The following RNF4 variants were observed in gnomAD, a reference collection of about 807,000 sequenced individuals.
RNF4 encodes the protein E3 ubiquitin-protein ligase RNF4.
Under a neutral mutation model 24.3 loss-of-function variants are expected in RNF4, and 7 were observed. That is an observed-to-expected ratio of 0.29 (90% confidence interval 0.16 to 0.54). The LOEUF (loss-of-function observed/expected upper bound fraction) is 0.54. Among genes scored for constraint, RNF4 ranks in the 20% least tolerant of loss-of-function variants. The pLI, the probability that RNF4 is intolerant of heterozygous loss-of-function variation, is 0.95. For synonymous variants in RNF4, 83 were observed against 84.3 expected, an observed-to-expected ratio of 0.98 and a Z score of 0.09; for missense variants, 209 against 248.5, an observed-to-expected ratio of 0.84 and a Z score of 1.07.
intron 2 of RNF4, among the ~76,000 whole-genome samples, chr4:2,496,187 A>C (rs1321916923): frequency 6.6e-6 from 1 of 152,172 alleles, no homozygotes; most frequent in African/African-American, 2.4e-5. Context: ...TCTGGTGTGA[A>C]TCACAGTTGA....
chr4:2,493,743 T>TAAAA (rs34740719), intron 2 of RNF4, among the ~76,000 whole-genome samples: 7 of 88,140 alleles, frequency 7.9e-5, no homozygotes, highest in Admixed American at 1.5e-4. Context: ...GACTCCGTCT[T>TAAAA]AAAAAAAAAA....
At chr4:2,474,880 A>C (rs1222905658) in intron 1 of RNF4, among the ~76,000 whole-genome samples, 4 of 152,150 alleles carry the variant, frequency 2.6e-5, no homozygotes, top group Non-Finnish European at 5.9e-5. Flanking sequence ...CAAAAAAATT[A>C]GCTGGGCGTG....
intron 1 of RNF4, among the ~76,000 whole-genome samples, chr4:2,475,425 G>A (rs1197758084): frequency 1.3e-5 from 2 of 151,962 alleles, no homozygotes; most frequent in Admixed American, 1.3e-4. Flanking sequence ...TGCAAGCTCC[G>A]CCTCCCAGGT....
At chr4:2,493,918 C>T (rs1735654856) in intron 2 of RNF4, among the ~76,000 whole-genome samples, 1 of 151,602 alleles carries the variant, frequency 6.6e-6, no homozygotes, top group African/African-American at 2.4e-5. Context: ...TATTGGCTCA[C>T]TGCAACCTCT....
At chr4:2,498,111 C>T (rs368538178) in intron 3 of RNF4, among the ~76,000 whole-genome samples, 83 of 152,290 alleles carry the variant, frequency 5.5e-4, no homozygotes, top group African/African-American at 1.7e-3. Flanking sequence ...AACTGCTTTC[C>T]GTCATGGCAC....
chr4:2,472,454 A>G (rs949748344), intron 1 of RNF4, among the ~76,000 whole-genome samples: 10 of 152,192 alleles, frequency 6.6e-5, no homozygotes, highest in African/African-American at 1.9e-4. Context: ...AATCTTACTT[A>G]AGAAATGCAT....
intron 1 of RNF4, among the ~76,000 whole-genome samples, chr4:2,487,021 G>A (rs1307857633): frequency 6.6e-6 from 1 of 152,182 alleles, no homozygotes; most frequent in Non-Finnish European, 1.5e-5. Context: ...AGGTGATGTC[G>A]AGGCACCTCC....
chr4:2,497,410 C>T (rs912453361), intron 3 of RNF4: 17 of 221,014 alleles, frequency 7.7e-5, no homozygotes, highest in Admixed American at 5.3e-4. Flanking sequence ...ATTGCTGGAC[C>T]TTGTAAAGTA....
intron 4 of RNF4, among the ~76,000 whole-genome samples, chr4:2,504,724 G>GTTTT (rs1433568747): frequency 1.7e-5 from 1 of 57,412 alleles, no homozygotes; most frequent in African/African-American, 9.0e-5. Flanking sequence ...CTCATTTTTT[G>GTTTT]TATTTTTTTT....
At chr4:2,495,882 C>T (rs1184441618) in intron 2 of RNF4, among the ~76,000 whole-genome samples, 1 of 152,232 alleles carries the variant, frequency 6.6e-6, no homozygotes, top group Non-Finnish European at 1.5e-5. Flanking sequence ...CCGCCTGCCT[C>T]TGCCTCCCAA....
chr4:2,500,898 C>A, intron 4 of RNF4, 160 bp downstream of exon 4: 1 of 641,544 alleles, frequency 1.6e-6, no homozygotes. Flanking sequence ...AGAAAATAAA[C>A]AGTAACAATA....
intron 7 of RNF4, among the ~76,000 whole-genome samples, chr4:2,513,341 C>A (rs181106905): frequency 6.6e-6 from 1 of 152,186 alleles, no homozygotes; most frequent in Non-Finnish European, 1.5e-5. Context: ...CCCTATACTC[C>A]TGTATGCCCT....
intron 4 of RNF4, among the ~76,000 whole-genome samples, chr4:2,501,562 C>A (rs192438564): frequency 6.6e-6 from 1 of 152,224 alleles, no homozygotes; most frequent in Non-Finnish European, 1.5e-5. Flanking sequence ...TCTGATAGAC[C>A]TGTTTCATGG....
chr4:2,492,658 G>C (rs1238851535), intron 2 of RNF4, among the ~76,000 whole-genome samples: 1 of 152,182 alleles, frequency 6.6e-6, no homozygotes, highest in Non-Finnish European at 1.5e-5. Context: ...AACAGTGATG[G>C]AAATGCTGGT....
In RNF4 at chr4:2,512,127, C is replaced by T; in HGVS notation, c.214+162C>T. 1.5e-6 allele frequency: 1 copy of T among 667,960 alleles called. No homozygotes were observed. The highest frequency in any genetic ancestry group is 1.9e-5 in the South Asian group (1 of 52,484). 41.4% of individuals were successfully genotyped at this position (667,960 alleles called of 1,614,324 possible). A position where few individuals can be genotyped will look rare whatever the true frequency, so the allele number is the denominator to read the frequency against. The stretch of plus-strand genomic sequence containing the variant: ...TGTGGTCAGACCCACACAGCCAGTC[C>T]CCCTTGTGCCTGCTGAAGAAACTTC... On this transcript the variant is annotated intron_variant, in intron 5 of 7. Coordinates refer to ENST00000314289, the MANE Select transcript of RNF4 (RefSeq NM_002938.5). This position sits in a 1 kb window ranked among gnomAD's most constrained non-coding sequence, Gnocchi z 4.1.
At chr4:2,481,410 C>T (rs534851769) in intron 1 of RNF4, among the ~76,000 whole-genome samples, 10 of 152,060 alleles carry the variant, frequency 6.6e-5, no homozygotes, top group African/African-American at 1.9e-4. Flanking sequence ...CACATATGTC[C>T]GTAACTGCAA....
intron 4 of RNF4, among the ~76,000 whole-genome samples, chr4:2,504,196 T>G (rs1735998591): frequency 6.6e-6 from 1 of 152,234 alleles, no homozygotes; most frequent in Non-Finnish European, 1.5e-5. Flanking sequence ...TCTCATTTGA[T>G]TAGTTTCCCT....
At chr4:2,483,492 G>A (rs956258796) in intron 1 of RNF4, among the ~76,000 whole-genome samples, 10 of 152,152 alleles carry the variant, frequency 6.6e-5, no homozygotes, top group African/African-American at 2.4e-4. Flanking sequence ...ATGACTGAGG[G>A]TATCAAAGTT....
rs1451306773 is a variant in RNF4, at chr4:2,500,704, T to G, written c.170T>G (p.Val57Gly). ...VDLTCESLEP[V>G]VVDLTHNDSV... The stretch of plus-strand genomic sequence containing the variant: ...CTCACTTGTGAATCTTTAGAGCCTG[T>G]GGTGGTTGATCTGACTCACAATGAC... The change falls in exon 4 of 8, where the codon GTG becomes GGG. Residue 57 changes from valine to glycine, a missense_variant. Physicochemically the swap from Val to Gly is moderately radical, Grantham distance 109. Transcript: ENST00000314289. The G allele has an allele frequency of 6.2e-7, 1 of 1,613,906 alleles. No homozygotes were observed. Among genetic ancestry groups the G allele is most frequent in the South Asian group, 1.1e-5 (1 of 91,062 alleles).
Sources: allele counts gnomAD v4.1 joint callset (sites outside exome capture counted in the v4.1 genomes callset), GRCh38; gene constraint gnomAD v4.1.1; non-coding constraint Gnocchi (gnomAD v3.1); transcripts MANE v1.5; gene names NCBI Gene and HGNC (gene_info 2026-07-23, HGNC 2026-07-21).